The following GPS1 variants were observed in gnomAD, a reference collection of about 807,000 sequenced individuals.
GPS1 encodes COP9 signalosome complex subunit 1.
Under a neutral mutation model 60.0 loss-of-function variants are expected in GPS1, and 11 were observed. That is an observed-to-expected ratio of 0.18 (90% CI 0.12 to 0.30). The LOEUF is 0.30. Among genes scored for constraint, GPS1 ranks in the 10% least tolerant of loss-of-function variants. The pLI is 1.00. For synonymous variants in GPS1, 343 were observed against 269.8 expected, an observed-to-expected ratio of 1.27 and a Z score of -2.66; for missense variants, 543 against 669.2, an observed-to-expected ratio of 0.81 and a Z score of 2.08.
chr17:82,051,533 C>A (rs1234816257), upstream of GPS1: 1 of 1,399,528 alleles, frequency 7.1e-7, no homozygotes. The surrounding 1 kb of genome is among the most constrained non-coding windows in gnomAD (Gnocchi z 4.1). Context: ...AGGTGCGCAG[C>A]AGCAGCCGCA....
In GPS1 at chr17:82,055,232, T is replaced by C. The variant is rs1056667649; in HGVS notation, c.748+10T>C. 3 of 1,551,594 alleles carry C rather than the reference T, an allele frequency of 1.9e-6. No individual in the cohort carries two copies. The African/African-American group carries it at 4.1e-5, about 21-fold the overall frequency. ...CTCAAGTGTGCCGCAGGTGAGGGCCTGGGTCACGCCCAGCTGACCCCACGT... is the reference window on the plus strand; with the variant it reads ...CTCAAGTGTGCCGCAGGTGAGGGCCCGGGTCACGCCCAGCTGACCCCACGT... On this transcript the variant is annotated intron_variant, in intron 6 of 12. Transcript: ENST00000578552.
chr17:82,055,354 C>T (rs1409572529), intron 6 of GPS1, 132 bp downstream of exon 6: 6 of 955,392 alleles, frequency 6.3e-6, no homozygotes, highest in African/African-American at 4.9e-5. Flanking sequence ...GTTGTGGGCA[C>T]ATGTACAGGT....
intron 3 of GPS1, 58 bp from the exon 4 acceptor site, chr17:82,054,452 T>C: frequency 4.9e-6 from 7 of 1,440,290 alleles, no homozygotes; most frequent in East Asian, 2.5e-5. Flanking sequence ...GGCGGCTTCC[T>C]CCCCTCCTCC....
chr17:82,052,144 G>A, intron 1 of GPS1, 180 bp downstream of exon 1: 1 of 1,033,922 alleles, frequency 9.7e-7, no homozygotes, highest in Non-Finnish European at 1.3e-6. Flanking sequence ...CTCCGCCGTG[G>A]CTGCGCGCTG....
In GPS1 at chr17:82,053,380, T is replaced by C; in HGVS notation, c.126+14T>C. On this transcript the variant is annotated intron_variant, in intron 2 of 12. Coordinates refer to ENST00000578552, the MANE Select transcript of GPS1 (RefSeq NM_001321092.3). Reference sequence around the variant, plus strand: ...AACCCCAGCCTGGTACGGAGCCCAGTGGGGGGACCTTGGGTGTCTCAGTCC... The same window carrying C: ...AACCCCAGCCTGGTACGGAGCCCAGCGGGGGGACCTTGGGTGTCTCAGTCC... 1 of 1,456,388 alleles carries C rather than the reference T, an allele frequency of 6.9e-7. No individual in the cohort carries two copies. The highest frequency in any genetic ancestry group is 9.0e-7 in the Non-Finnish European group (1 of 1,105,984). The allele number at this position is 1,456,388 out of a possible 1,614,324, so 90.2% of individuals were successfully genotyped here. A position where few individuals can be genotyped will look rare whatever the true frequency, so the allele number is the denominator to read the frequency against.
rs749530554 is a variant in GPS1, at chr17:82,054,526, C to T, written c.325C>T (p.Pro109Ser). ...SEATRELQNA[P>S]DAIPESGVEP... is the part of the protein sequence containing the mutation. ...CTCTCTCAGGGAGCTGCAGAACGCA[C>T]CCGACGCCATCCCTGAGAGCGGCGT... The change falls in exon 4 of 13, where the codon CCC becomes TCC. Residue 109 changes from proline to serine, a missense_variant. Coordinates refer to ENST00000578552, the MANE Select transcript of GPS1 (RefSeq NM_001321092.3). 2 of 1,547,422 alleles carry T rather than the reference C, an allele frequency of 1.3e-6. No homozygotes were observed. Among genetic ancestry groups the T allele is most frequent in the Admixed American group, 1.8e-5 (1 of 54,116 alleles).
chr17:82,052,581 G>A, intron 1 of GPS1: 1 of 1,210,070 alleles, frequency 8.3e-7, no homozygotes, highest in Non-Finnish European at 1.1e-6. Context: ...CCAAGCGCAG[G>A]AGGGGAGGGA....
Position 82,057,159 on chromosome 17 carries a change from C to A in GPS1, c.*32C>A. 1 of 1,569,542 alleles carries A rather than the reference C, an allele frequency of 6.4e-7. No individual in the cohort carries two copies. The highest frequency in any genetic ancestry group is 8.7e-7 in the Non-Finnish European group (1 of 1,155,132). On this transcript the variant is annotated 3_prime_UTR_variant, in exon 13 of 13. Coordinates refer to ENST00000578552, the MANE Select transcript of GPS1 (RefSeq NM_001321092.3). ...AACCTTGGCCTCCAGGACATCTGCA[C>A]CCCCTCCCCACCTCCACGGACCTCG...
At chr17:82,052,650 A>T (rs2031157792) in intron 1 of GPS1, 1 of 679,666 alleles carries the variant, frequency 1.5e-6, no homozygotes, top group Admixed American at 3.0e-5. Context: ...TTCCCGAAGG[A>T]GCGCGGGAGG....
chr17:82,052,370 C>CA, intron 1 of GPS1: 4 of 1,612,608 alleles, frequency 2.5e-6, no homozygotes, highest in Non-Finnish European at 3.4e-6. Flanking sequence ...CTGCACCCCT[C>CA]ACAGCAGTAG....
chr17:82,054,408 G>A, intron 3 of GPS1, 102 bp from the exon 4 acceptor site: 1 of 1,391,464 alleles, frequency 7.2e-7, no homozygotes, highest in South Asian at 1.5e-5. Flanking sequence ...GCCCACCTGT[G>A]TGCCGGTTGG....
chr17:82,055,612 C>G (rs76131598), intron 6 of GPS1, 128 bp from the exon 7 acceptor site: 24 of 663,392 alleles, frequency 3.6e-5, no homozygotes, highest in Non-Finnish European at 5.0e-5. Context: ...GAACAGCTCC[C>G]GGGGCAGGAG....
intron 2 of GPS1, 127 bp from the exon 3 acceptor site, chr17:82,053,741 G>C (rs923465195): frequency 1.1e-6 from 1 of 914,384 alleles, no homozygotes; most frequent in African/African-American, 1.7e-5. Flanking sequence ...CCCCATGCCC[G>C]GTTCTGGTTA....
Position 82,052,400 on chromosome 17 carries a change from G to C in GPS1, c.33+436G>C, listed in dbSNP as rs748797995. 4 of 1,611,578 alleles carry C rather than the reference G, an allele frequency of 2.5e-6. No individual in the cohort carries two copies. In the African/African-American group the frequency reaches 4.0e-5, roughly 16 times the overall value. ...CAGTAGGTCAGACCTCGTCCTGCCC[G>C]GCACGGCCGGGGACTTCAGCCTGAG... On this transcript the variant is annotated intron_variant, in intron 1 of 12. Coordinates refer to ENST00000578552, the MANE Select transcript of GPS1 (RefSeq NM_001321092.3).
intron 3 of GPS1, chr17:82,054,252 C>T (rs993641861): frequency 1.4e-5 from 10 of 737,546 alleles, no homozygotes; most frequent in Non-Finnish European, 2.1e-5. Context: ...GGCTTTGATT[C>T]CAAGGGGAGC....
At chr17:82,053,156 G>A (rs1800228890) in intron 1 of GPS1, 118 bp from the exon 2 acceptor site, 3 of 722,704 alleles carry the variant, frequency 4.2e-6, no homozygotes, top group Non-Finnish European at 6.1e-6. Context: ...CGGCGGGAGT[G>A]TGGTCCGACT....
intron 6 of GPS1, 33 bp from the exon 7 acceptor site, chr17:82,055,707 T>TCCCCCCC (rs1598516075): frequency 8.5e-5 from 88 of 1,038,444 alleles, no homozygotes; most frequent in Admixed American, 4.0e-4. Flanking sequence ...TTACCCCCTC[T>TCCCCCCC]CCCCCCTCCC....
Position 82,057,047 on chromosome 17 carries a change from C to T in GPS1, c.1390-6C>T, listed in dbSNP as rs752383846. 3.1e-6 allele frequency: 5 copies of T among 1,601,828 alleles called. No homozygotes were observed. Among genetic ancestry groups the T allele is most frequent in the Non-Finnish European group, 4.3e-6 (5 of 1,173,092 alleles). ...GGCTGTGAGCTGCTCCTTGTCTCCCCTGCAGTCCCCGCCCAGAGAAGGGAG... is the reference window on the plus strand; with the variant it reads ...GGCTGTGAGCTGCTCCTTGTCTCCCTTGCAGTCCCCGCCCAGAGAAGGGAG... On this transcript the variant is annotated splice_region_variant and splice_polypyrimidine_tract_variant and intron_variant, in intron 12 of 12. Transcript: ENST00000578552.
upstream of GPS1, chr17:82,051,604 G>A (rs541675429): frequency 2.4e-6 from 3 of 1,270,648 alleles, no homozygotes; most frequent in African/African-American, 4.7e-5. This position sits in a 1 kb window ranked among gnomAD's most constrained non-coding sequence, Gnocchi z 4.1. Context: ...TCAGGCCGCA[G>A]GCTGGGGGCA....
Sources: gnomAD v4.1 joint callset for allele counts on GRCh38, gnomAD v4.1.1 for gene constraint, Gnocchi (gnomAD v3.1) non-coding constraint, MANE v1.5 for transcripts, NCBI Gene and HGNC (gene_info 2026-07-23, HGNC 2026-07-21) for gene names.